Variants in TRDN observed in about 807,000 individuals in gnomAD.
The protein encoded by TRDN is triadin in skeletal muscle.
In TRDN, 161 loss-of-function variants were observed where a neutral mutation model predicts 149.7. The observed-to-expected ratio is 1.08, with a 90% CI of 0.95 to 1.23. TRDN has a LOEUF of 1.23. TRDN is among the 50% of genes most tolerant of loss of function. The probability of loss-of-function intolerance (pLI) is 0.00; values close to 1 mark genes in which losing one functional copy is unlikely to be tolerated. For synonymous variants in TRDN, 294 were observed against 250.5 expected (o/e 1.17, Z -1.64); for missense variants, 896 against 823.5 (o/e 1.09, Z -1.08).
At chr6:123,289,080 G>GTA (rs908078858) in intron 24 of TRDN, among the ~76,000 whole-genome samples, 51 of 143,634 alleles carry the variant, frequency 3.6e-4, no homozygotes, top group South Asian at 8.7e-4. Flanking sequence ...TATGTATAGT[G>GTA]TATATATATA....
intron 10 of TRDN, among the ~76,000 whole-genome samples, chr6:123,460,263 T>C (rs1194497466): frequency 6.6e-6 from 1 of 152,192 alleles, no homozygotes; most frequent in Admixed American, 6.5e-5. Context: ...ACCAATGTCA[T>C]GAAAGCAATC....
chr6:123,399,210 T>G (rs1184204224), intron 12 of TRDN, among the ~76,000 whole-genome samples: 1 of 152,142 alleles, frequency 6.6e-6, no homozygotes, highest in Non-Finnish European at 1.5e-5. Context: ...ATGTTACACA[T>G]AAAATCAGCT....
At chr6:123,408,405 C>T (rs976653621) in intron 12 of TRDN, among the ~76,000 whole-genome samples, 1 of 152,012 alleles carries the variant, frequency 6.6e-6, no homozygotes, top group Admixed American at 6.5e-5. Flanking sequence ...GGGCCAGGCA[C>T]GGTGGCTCAT....
intron 1 of TRDN, among the ~76,000 whole-genome samples, chr6:123,576,625 C>T (rs1562400481): frequency 1.3e-5 from 2 of 152,014 alleles, no homozygotes; most frequent in Non-Finnish European, 2.9e-5. Flanking sequence ...ATGGGCTCCA[C>T]CTTCCTGCCC....
intron 22 of TRDN, among the ~76,000 whole-genome samples, chr6:123,333,582 A>G (rs1779745707): frequency 6.6e-6 from 1 of 152,030 alleles, no homozygotes; most frequent in African/African-American, 2.4e-5. Context: ...CTCAGCATCC[A>G]CTTTGTCCTC....
intron 8 of TRDN, chr6:123,502,895 G>A: frequency 1.0e-6 from 1 of 985,280 alleles, no homozygotes; most frequent in South Asian, 4.7e-5. Context: ...GCAAACTGGA[G>A]TCAGGAATGG....
chr6:123,579,255 C>T (rs1339438474), intron 1 of TRDN, among the ~76,000 whole-genome samples: 2 of 152,090 alleles, frequency 1.3e-5, no homozygotes, highest in African/African-American at 2.4e-5. Flanking sequence ...TTTGCCCCAT[C>T]AGTATGACGT....
chr6:123,246,398 G>T (rs1776182789), intron 38 of TRDN, among the ~76,000 whole-genome samples: 1 of 151,992 alleles, frequency 6.6e-6, no homozygotes, highest in Admixed American at 6.6e-5. Flanking sequence ...TGATAAAGGG[G>T]ATATCACCAC....
At chr6:123,535,493 T>C (rs1295099530) in intron 4 of TRDN, among the ~76,000 whole-genome samples, 1 of 152,168 alleles carries the variant, frequency 6.6e-6, no homozygotes, top group Non-Finnish European at 1.5e-5. Context: ...GCTATTCATC[T>C]CTCACTCCAA....
At chr6:123,482,608 T>C (rs575162819) in intron 9 of TRDN, among the ~76,000 whole-genome samples, 1 of 152,208 alleles carries the variant, frequency 6.6e-6, no homozygotes. Context: ...TCATGAATTA[T>C]AGAAAATGGA....
At chr6:123,549,995 T>A (rs1012918425) in intron 2 of TRDN, among the ~76,000 whole-genome samples, 4 of 151,390 alleles carry the variant, frequency 2.6e-5, no homozygotes, top group Non-Finnish European at 5.9e-5. Context: ...GGGTTGGGAG[T>A]AGAAAAGTAG....
Position 123,472,848 on chromosome 6 carries a change from C to T in TRDN, c.854-7865G>A, listed in dbSNP as rs576463673. Among the ~76,000 whole-genome samples the T allele has an allele frequency of 3.5e-4, 53 of 152,256 alleles. No individual in the cohort carries two copies. In the East Asian group the frequency reaches 4.1e-3, roughly 12 times the overall value. On this transcript the variant is annotated intron_variant, in intron 9 of 40. Transcript: ENST00000334268. The stretch of plus-strand genomic sequence containing the variant: ...AGCAGGGGCACACTGACACCTCACA[C>T]GGCAGGGTATTCCAACAGACCTGCA...
chr6:123,309,213 T>C (rs1778723533), intron 24 of TRDN, among the ~76,000 whole-genome samples: 1 of 151,926 alleles, frequency 6.6e-6, no homozygotes, highest in Admixed American at 6.6e-5. Flanking sequence ...TAAGCCCCCA[T>C]TCCTGGATTT....
At chr6:123,367,443 G>C (rs1012751322) in intron 19 of TRDN, among the ~76,000 whole-genome samples, 1 of 152,060 alleles carries the variant, frequency 6.6e-6, no homozygotes, top group African/African-American at 2.4e-5. Context: ...ACAAAACCCG[G>C]CTTTTGAAAG....
intron 21 of TRDN, chr6:123,350,190 T>C: frequency 1.0e-6 from 1 of 968,848 alleles, no homozygotes; most frequent in Non-Finnish European, 1.2e-6. Flanking sequence ...ATTTTTGTCG[T>C]GTTTCTTCTT....
At chr6:123,625,826 T>C (rs1009546977) in intron 1 of TRDN, among the ~76,000 whole-genome samples, 1 of 152,182 alleles carries the variant, frequency 6.6e-6, no homozygotes, top group Non-Finnish European at 1.5e-5. Context: ...TTTTTGCTAA[T>C]TGAAGGTCTT....
At chr6:123,233,399 C>T (rs1364937664) in intron 38 of TRDN, among the ~76,000 whole-genome samples, 1 of 152,032 alleles carries the variant, frequency 6.6e-6, no homozygotes, top group Non-Finnish European at 1.5e-5. Flanking sequence ...GGAAATTTCA[C>T]ATTTGGGATT....
chr6:123,508,699 A>T (rs577120230), intron 7 of TRDN, among the ~76,000 whole-genome samples: 7 of 152,182 alleles, frequency 4.6e-5, no homozygotes, highest in Non-Finnish European at 1.0e-4. Flanking sequence ...ACTCTTCCCC[A>T]GGAGGAATCC....
At chr6:123,552,652 T>C (rs923280928) in intron 2 of TRDN, among the ~76,000 whole-genome samples, 16 of 152,184 alleles carry the variant, frequency 1.1e-4, no homozygotes. Context: ...TTCTTCATCA[T>C]ATATTTTTGC....
Sources: allele counts gnomAD v4.1 joint callset (sites outside exome capture counted in the v4.1 genomes callset), GRCh38; gene constraint gnomAD v4.1.1; transcripts MANE v1.5; gene names NCBI Gene and HGNC (gene_info 2026-07-23, HGNC 2026-07-21).